Variants in GALNTL6 observed in about 807,000 individuals in gnomAD.
The protein encoded by GALNTL6 is polypeptide N-acetylgalactosaminyltransferase like 6.
GALNTL6 carries 46 observed loss-of-function variants against 73.7 expected under a neutral mutation model. The observed-to-expected ratio is 0.62, with a 90% CI of 0.49 to 0.80. GALNTL6 has a LOEUF of 0.80. GALNTL6 is among the 30% of genes least tolerant of loss of function. GALNTL6 has a pLI of 0.00. For missense variants in GALNTL6, 604 were observed against 755.0 expected, an observed-to-expected ratio of 0.80 and a Z score of 2.34; for synonymous variants, 259 against 263.7, an observed-to-expected ratio of 0.98 and a Z score of 0.17.
At position 171,941,271 on chromosome 4, in the gene GALNTL6, G is replaced by A. The variant is rs532806446; in HGVS notation, c.138+126553G>A. 1.1e-4 allele frequency among the ~76,000 whole-genome samples: 17 copies of A among 152,218 alleles called. No homozygotes were observed. The East Asian group carries it at 2.7e-3, about 24-fold the overall frequency. On this transcript the variant is annotated intron_variant, in intron 2 of 12. Coordinates refer to ENST00000506823, the MANE Select transcript of GALNTL6 (RefSeq NM_001034845.3). ...TAGAACTCTCCACCTTACAGGTGTCGCATGCTATTTCTTCACAAGTACCAT... is the reference window on the plus strand; with the variant it reads ...TAGAACTCTCCACCTTACAGGTGTCACATGCTATTTCTTCACAAGTACCAT...
At chr4:172,640,556 T>C (rs1403594775) in intron 5 of GALNTL6, among the ~76,000 whole-genome samples, 1 of 152,120 alleles carries the variant, frequency 6.6e-6, no homozygotes, top group Non-Finnish European at 1.5e-5. Context: ...AGCTGGTTTC[T>C]CCTGAAGCCA....
intron 2 of GALNTL6, among the ~76,000 whole-genome samples, chr4:172,207,433 A>G (rs972502728): frequency 3.3e-5 from 5 of 152,154 alleles, no homozygotes; most frequent in African/African-American, 9.7e-5. Flanking sequence ...TGAGAGAAGA[A>G]GAGGAAGTTG....
intron 8 of GALNTL6, among the ~76,000 whole-genome samples, chr4:172,915,154 G>A (rs971010454): frequency 1.3e-5 from 2 of 152,140 alleles, no homozygotes; most frequent in African/African-American, 4.8e-5. Flanking sequence ...TGACTACTGG[G>A]TACATAATGA....
intron 5 of GALNTL6, among the ~76,000 whole-genome samples, chr4:172,385,589 C>T (rs1743437179): frequency 6.6e-6 from 1 of 151,710 alleles, no homozygotes; most frequent in African/African-American, 2.4e-5. Flanking sequence ...ATATTGATAA[C>T]AGCTCTTAGT....
rs185011989 is a variant in GALNTL6, at chr4:171,845,211, C to T, written c.138+30493C>T. On this transcript the variant is annotated intron_variant, in intron 2 of 12. Coordinates refer to ENST00000506823, the MANE Select transcript of GALNTL6 (RefSeq NM_001034845.3). ...TTGATTTTTCCATTCAAAATTATCCCGTTTGATTGGATAATTGCATCTGGA... is the reference window on the plus strand; with the variant it reads ...TTGATTTTTCCATTCAAAATTATCCTGTTTGATTGGATAATTGCATCTGGA... Among the ~76,000 whole-genome samples the T allele has an allele frequency of 2.6e-5, 4 of 152,128 alleles. No individual in the cohort carries two copies. In the East Asian group the frequency reaches 7.7e-4, roughly 29 times the overall value.
At chr4:172,601,766 C>T (rs929377124) in intron 5 of GALNTL6, among the ~76,000 whole-genome samples, 10 of 149,506 alleles carry the variant, frequency 6.7e-5, no homozygotes, top group South Asian at 2.1e-4. Context: ...CAGTCTAATA[C>T]GCTTATAGAG....
intron 2 of GALNTL6, among the ~76,000 whole-genome samples, chr4:171,854,738 G>C (rs531574640): frequency 4.6e-5 from 7 of 152,298 alleles, no homozygotes; most frequent in African/African-American, 1.7e-4. Context: ...TTCTCACTGT[G>C]TTCTTACATG....
chr4:172,066,002 G>A (rs529253863), intron 2 of GALNTL6, among the ~76,000 whole-genome samples: 5 of 152,212 alleles, frequency 3.3e-5, no homozygotes, highest in African/African-American at 7.2e-5. Flanking sequence ...TTTGGGTGGG[G>A]ACACAGAGCC....
chr4:172,475,721 G>C (rs1308234889), intron 5 of GALNTL6, among the ~76,000 whole-genome samples: 1 of 152,140 alleles, frequency 6.6e-6, no homozygotes, highest in East Asian at 1.9e-4. Flanking sequence ...GAGAAGTTTA[G>C]AATACAGTCA....
At chr4:172,853,921 CTA>C (rs1743979052) in intron 7 of GALNTL6, among the ~76,000 whole-genome samples, 1 of 152,228 alleles carries the variant, frequency 6.6e-6, no homozygotes, top group East Asian at 1.9e-4. Flanking sequence ...CTCTCCAACT[CTA>C]TGTTTTTATG....
At chr4:171,918,608 A>G (rs938456368) in intron 2 of GALNTL6, among the ~76,000 whole-genome samples, 21 of 152,184 alleles carry the variant, frequency 1.4e-4, no homozygotes, top group African/African-American at 4.6e-4. Flanking sequence ...ATTTTAAAAT[A>G]AAATTACCAT....
chr4:172,371,865 G>T (rs567971026), intron 5 of GALNTL6, among the ~76,000 whole-genome samples: 3 of 152,124 alleles, frequency 2.0e-5, no homozygotes, highest in Non-Finnish European at 4.4e-5. Context: ...TTGGGTTTTT[G>T]CACTGTGCAA....
Position 172,040,819 on chromosome 4 carries a change from T to A in GALNTL6, c.139-188837T>A, listed in dbSNP as rs73870135. On this transcript the variant is annotated intron_variant, in intron 2 of 12. Coordinates refer to ENST00000506823, the MANE Select transcript of GALNTL6 (RefSeq NM_001034845.3). ...CTTTCACACTTTGATCATAATTATT[T>A]GTTATTATCTTAGAATAATTAAACT... Among the ~76,000 whole-genome samples the A allele has an allele frequency of 5.3e-3, 807 of 152,218 alleles. 5 individuals carry two copies. The highest frequency in any genetic ancestry group is 0.019 in the African/African-American group (776 of 41,562).
intron 7 of GALNTL6, among the ~76,000 whole-genome samples, chr4:172,870,530 G>C (rs936173393): frequency 6.6e-6 from 1 of 152,084 alleles, no homozygotes; most frequent in South Asian, 2.1e-4. Context: ...TTTCGCTTTG[G>C]CCCAGGGCCT....
At chr4:172,143,277 T>C (rs992478325) in intron 2 of GALNTL6, among the ~76,000 whole-genome samples, 1 of 152,086 alleles carries the variant, frequency 6.6e-6, no homozygotes. Context: ...ATGGGTTTTA[T>C]GTTTATATAG....
chr4:172,844,113 G>A (rs866598498), intron 7 of GALNTL6, among the ~76,000 whole-genome samples: 31 of 152,082 alleles, frequency 2.0e-4, no homozygotes, highest in African/African-American at 1.4e-4. Context: ...ATTGGGAGGA[G>A]ACATAGATAG....
intron 2 of GALNTL6, among the ~76,000 whole-genome samples, chr4:172,042,864 T>TA (rs397996272): frequency 0.55 from 23,873 of 43,738 alleles, 8,613 homozygotes; most frequent in Non-Finnish European, 0.62. Flanking sequence ...TCTTTAACAG[T>TA]AAAAAAAAAA....
At chr4:172,168,153 C>T (rs1392903070) in intron 2 of GALNTL6, among the ~76,000 whole-genome samples, 1 of 152,158 alleles carries the variant, frequency 6.6e-6, no homozygotes, top group Non-Finnish European at 1.5e-5. Flanking sequence ...TAGTTTTAAG[C>T]CTTTGAGCCT....
chr4:171,838,108 CTATTTATT>C (rs57493491), intron 2 of GALNTL6, among the ~76,000 whole-genome samples: 16 of 149,460 alleles, frequency 1.1e-4, no homozygotes, highest in Admixed American at 6.0e-4. Flanking sequence ...TTGTTTCTGT[CTATTTATT>C]TATTTATTTA....
Sources: allele counts gnomAD v4.1 joint callset (sites outside exome capture counted in the v4.1 genomes callset), GRCh38; gene constraint gnomAD v4.1.1; transcripts MANE v1.5; gene names NCBI Gene and HGNC (gene_info 2026-07-23, HGNC 2026-07-21).